The following TBX1 variants were observed in gnomAD, a reference collection of about 807,000 sequenced individuals.
The protein encoded by TBX1 is T-box transcription factor 1.
TBX1 carries 16 observed loss-of-function variants against 40.8 expected under a neutral mutation model. The ratio of observed to expected loss-of-function variants is 0.39; its 90% CI spans 0.27 to 0.60. The LOEUF (loss-of-function observed/expected upper bound fraction) is 0.60. Among genes scored for constraint, TBX1 ranks in the 20% least tolerant of loss-of-function variants. The pLI is 0.51. For missense variants in TBX1, 755 were observed against 728.5 expected (o/e 1.04, Z -0.42); for synonymous variants, 403 against 336.8 (o/e 1.20, Z -2.15).
Position 19,761,102 on chromosome 22 carries a change from G to T in TBX1, c.259G>T (p.Ala87Ser). The T allele has an allele frequency of 8.6e-7, 1 of 1,164,944 alleles. No homozygotes were observed. Among genetic ancestry groups the T allele is most frequent in the East Asian group, 4.4e-5 (1 of 22,712 alleles). 72.2% of individuals were successfully genotyped at this position (1,164,944 alleles called of 1,614,324 possible). A position where few individuals can be genotyped will look rare whatever the true frequency, so the allele number is the denominator to read the frequency against. Residue 87 changes from alanine to serine, a missense_variant, in exon 1 of 7, where the codon GCC becomes TCC. Around this residue, in one of 3 missense-constraint regions of TBX1, gnomAD observed 199 missense variants for 173.0 expected, o/e 1.15. Transcript: ENST00000649276. ...CTACCCGTTTGCGCCGGCCGCCGGGGCCGCCACCAGCGCCGCCGCCGAGCC... is the reference window on the plus strand; with the variant it reads ...CTACCCGTTTGCGCCGGCCGCCGGGTCCGCCACCAGCGCCGCCGCCGAGCC... ...HAYPFAPAAG[A>S]ATSAAAEPEG...
intron 8 of TBX1, among the ~76,000 whole-genome samples, chr22:19,772,391 G>T (rs1420153914): frequency 6.6e-6 from 1 of 152,110 alleles, no homozygotes; most frequent in Non-Finnish European, 1.5e-5. Flanking sequence ...CTGTAGCCTC[G>T]AACTCCGGGG....
chr22:19,773,417 C>T (rs1937019720), intron 8 of TBX1, among the ~76,000 whole-genome samples: 1 of 152,154 alleles, frequency 6.6e-6, no homozygotes, highest in South Asian at 2.1e-4. Context: ...TGGAAAGAAA[C>T]AGCCTAGTTA....
chr22:19,777,307 G>A (rs903968744), intron 8 of TBX1, among the ~76,000 whole-genome samples: 7 of 151,872 alleles, frequency 4.6e-5, no homozygotes, highest in Non-Finnish European at 8.8e-5. Flanking sequence ...GAGAACATGC[G>A]GTGTTTGGTT....
Position 19,766,893 on chromosome 22 carries a change from C to G in TBX1, c.*26C>G, listed in dbSNP as rs764978950. The G allele has an allele frequency of 2.9e-5, 46 of 1,580,058 alleles. No individual in the cohort carries two copies. Among genetic ancestry groups the G allele is most frequent in the South Asian group, 1.7e-4 (15 of 88,812 alleles). On this transcript the variant is annotated 3_prime_UTR_variant, in exon 7 of 7. Transcript: ENST00000649276. The stretch of plus-strand genomic sequence containing the variant: ...CACGGGCCCTGTCGCGCTCCCGCCC[C>G]GGTCCTGCACAGCCCCGAAGTTCGC...
In TBX1 at chr22:19,766,376, G is replaced by A. The variant is rs1316452750; in HGVS notation, c.1037-13G>A. 3.8e-6 allele frequency: 5 copies of A among 1,311,340 alleles called. No homozygotes were observed. Among genetic ancestry groups the A allele is most frequent in the Admixed American group, 3.8e-5 (1 of 26,394 alleles). 81.2% of individuals were successfully genotyped at this position (1,311,340 alleles called of 1,614,324 possible). ...CCCGGCCGGCCGCGCTCACTCCTCGGCCCTCTCCGCAGACGCGGCTGAGGC... is the reference window on the plus strand; with the variant it reads ...CCCGGCCGGCCGCGCTCACTCCTCGACCCTCTCCGCAGACGCGGCTGAGGC... On this transcript the variant is annotated splice_polypyrimidine_tract_variant and intron_variant, in intron 6 of 6. Transcript: ENST00000649276.
upstream of TBX1, among the ~76,000 whole-genome samples, chr22:19,758,599 C>T (rs1936539360): frequency 1.3e-5 from 2 of 152,306 alleles, no homozygotes; most frequent in South Asian, 2.1e-4. Flanking sequence ...GGGCAGCATA[C>T]GACCCAGTGG....
At chr22:19,774,712 G>A (rs151140763) in intron 8 of TBX1, among the ~76,000 whole-genome samples, 64 of 152,208 alleles carry the variant, frequency 4.2e-4, no homozygotes, top group African/African-American at 1.5e-3. Context: ...GAATTGAGCC[G>A]GTCACAAAGG....
upstream of TBX1, among the ~76,000 whole-genome samples, chr22:19,757,798 C>T (rs1936520377): frequency 6.6e-6 from 1 of 152,230 alleles, no homozygotes; most frequent in African/African-American, 2.4e-5. Context: ...CCTCACTGGA[C>T]TTGTCCCTGG....
downstream of TBX1, among the ~76,000 whole-genome samples, chr22:19,768,300 C>T (rs1274167281): frequency 6.6e-6 from 1 of 152,238 alleles, no homozygotes; most frequent in Non-Finnish European, 1.5e-5. Flanking sequence ...AGGGCACAGC[C>T]AGGAGTTTCC....
At chr22:19,779,611 T>C (rs953042953), downstream of TBX1, 1 of 1,268,018 alleles carries the variant, frequency 7.9e-7, no homozygotes, top group Non-Finnish European at 1.0e-6. Context: ...ACAAAGTAAA[T>C]TTCTCCTGAC....
intron 3 of TBX1, among the ~76,000 whole-genome samples, chr22:19,764,655 C>G (rs1317637788): frequency 6.6e-6 from 1 of 152,236 alleles, no homozygotes; most frequent in African/African-American, 2.4e-5. Context: ...AGATGGGGCC[C>G]TGCAAGGGGG....
At chr22:19,772,263 C>T (rs41300462), downstream of TBX1, among the ~76,000 whole-genome samples, 2,293 of 152,134 alleles carry the variant, frequency 0.015, 54 homozygotes, top group African/African-American at 0.052. Context: ...CCACCACGCC[C>T]GGCTAATTTT....
downstream of TBX1, among the ~76,000 whole-genome samples, chr22:19,782,677 G>A (rs1206247741): frequency 6.6e-6 from 1 of 152,198 alleles, no homozygotes; most frequent in Non-Finnish European, 1.5e-5. Context: ...CAGGCTGCCT[G>A]TGGCTGTGCA....
At position 19,766,437 on chromosome 22, in the gene TBX1, C is replaced by T. The variant is rs569581176; in HGVS notation, c.1085C>T (p.Ala362Val). The T allele has an allele frequency of 2.2e-6, 3 of 1,346,658 alleles. No individual in the cohort carries two copies. Among genetic ancestry groups the T allele is most frequent in the South Asian group, 3.4e-5 (2 of 58,482 alleles). 83.4% of individuals were successfully genotyped at this position (1,346,658 alleles called of 1,614,324 possible). A position where few individuals can be genotyped will look rare whatever the true frequency, so the allele number is the denominator to read the frequency against. Reference sequence around the variant, plus strand: ...TTCCAGCGCGACGCGGGCGGGCCAGCAGTGCTCGGGGACCCGGCGCATCCT... The same window carrying T: ...TTCCAGCGCGACGCGGGCGGGCCAGTAGTGCTCGGGGACCCGGCGCATCCT... ...REFQRDAGGPAVLGDPAHPPQ... is the reference protein window; with the variant it reads ...REFQRDAGGPVVLGDPAHPPQ... Residue 362 changes from alanine (A) to valine (V), a missense_variant, in exon 7 of 7, where the codon GCA (alanine) becomes GTA (valine). Coordinates refer to ENST00000649276, the MANE Select transcript of TBX1 (RefSeq NM_001379200.1).
At chr22:19,772,884 G>C (rs1458365852) in intron 8 of TBX1, among the ~76,000 whole-genome samples, 1 of 152,194 alleles carries the variant, frequency 6.6e-6, no homozygotes, top group African/African-American at 2.4e-5. Context: ...GAGCTGCCGG[G>C]CGCCCTTCTC....
Position 19,765,886 on chromosome 22 carries a change from C to A in TBX1, c.936-16C>A. ...GCCTGGCGCAGGCGCCGCCCTGATC[C>A]GCCTCCCGCCCGCAGGCCCCGGAAC... On this transcript the variant is annotated splice_polypyrimidine_tract_variant and intron_variant, in intron 5 of 6. Transcript: ENST00000649276. The A allele has an allele frequency of 6.5e-7, 1 of 1,548,548 alleles. No individual in the cohort carries two copies. Among genetic ancestry groups the A allele is most frequent in the Non-Finnish European group, 8.7e-7 (1 of 1,147,276 alleles).
chr22:19,760,227 A>ATTT (rs1936599333), upstream of TBX1, among the ~76,000 whole-genome samples: 1 of 69,896 alleles, frequency 1.4e-5, no homozygotes, highest in Non-Finnish European at 3.4e-5. Flanking sequence ...TTTTTTTTTA[A>ATTT]AAAGAAAAAC....
At chr22:19,770,227 C>T (rs1314457740), downstream of TBX1, among the ~76,000 whole-genome samples, 1 of 152,208 alleles carries the variant, frequency 6.6e-6, no homozygotes, top group East Asian at 1.9e-4. Flanking sequence ...CTCCCAAAAA[C>T]TCTCCAAAAA....
chr22:19,761,603 C>T (rs537327757), intron 1 of TBX1, among the ~76,000 whole-genome samples: 1 of 152,142 alleles, frequency 6.6e-6, no homozygotes, highest in East Asian at 1.9e-4. Context: ...AGAAACCGGC[C>T]CGGCTTGGGG....
Sources: allele counts gnomAD v4.1 joint callset (sites outside exome capture counted in the v4.1 genomes callset), GRCh38; gene constraint gnomAD v4.1.1; regional missense constraint gnomAD v4.1.1; transcripts MANE v1.5; gene names NCBI Gene and HGNC (gene_info 2026-07-23, HGNC 2026-07-21).